The following PRRC2B variants were observed in gnomAD, a reference collection of about 807,000 sequenced individuals.
PRRC2B encodes the protein protein PRRC2B.
In PRRC2B, 68 loss-of-function variants were observed where a neutral mutation model predicts 242.3. The observed-to-expected ratio is 0.28, with a 90% CI of 0.23 to 0.34. PRRC2B has a LOEUF of 0.34. PRRC2B is among the 10% of genes least tolerant of loss of function. The probability of loss-of-function intolerance (pLI) is 1.00; values close to 1 mark genes in which losing one functional copy is unlikely to be tolerated. For synonymous variants in PRRC2B, 1,228 were observed against 1,173.6 expected, an observed-to-expected ratio of 1.05 and a Z score of -0.95; for missense variants, 2,835 against 2,954.8, an observed-to-expected ratio of 0.96 and a Z score of 0.94.
rs753042062 is a variant in PRRC2B at position 131,491,490 on chromosome 9, G to C, written c.6291G>C (p.Gln2097His). ...CACTGATCCTGCCCCAGTCTATTCA[G>C]CTGCCACCTGGGCAGAGCCTCTCCG... is the stretch of plus-strand genomic sequence containing the variant. ...QQPLILPQSI[Q>H]LPPGQSLSVG... The change falls in exon 29 of 32, where the codon CAG (glutamine) becomes CAC (histidine). Residue 2097 changes from glutamine to histidine, a missense_variant. By Grantham distance (24) the Gln-to-His change is conservative. This residue lies in a region of PRRC2B where 574 missense variants were observed against 626.0 expected (regional missense o/e 0.92). Transcript: ENST00000683519. 2 of 1,612,496 alleles carry C rather than the reference G, an allele frequency of 1.2e-6. No individual in the cohort carries two copies. The highest frequency in any genetic ancestry group is 3.3e-5 in the Admixed American group (2 of 59,944).
intron 12 of PRRC2B, 146 bp downstream of exon 12, chr9:131,465,224 G>C (rs191850135): frequency 1.7e-5 from 14 of 804,184 alleles, no homozygotes; most frequent in Non-Finnish European, 2.7e-5. Flanking sequence ...TAAGAGCATA[G>C]GCCTGGGTCA....
At chr9:131,405,452 A>G (rs1837335742) in intron 1 of PRRC2B, among the ~76,000 whole-genome samples, 1 of 152,110 alleles carries the variant, frequency 6.6e-6, no homozygotes, top group Non-Finnish European at 1.5e-5. Context: ...GTTGCTGTTA[A>G]TATTCATTGC....
chr9:131,485,716 A>G (rs768014796), intron 25 of PRRC2B: 3 of 561,824 alleles, frequency 5.3e-6, no homozygotes, highest in Admixed American at 1.9e-5. Context: ...TGTGGACTCA[A>G]TAGCAGGGAG....
At chr9:131,398,993 A>C (rs1310049323) in intron 1 of PRRC2B, among the ~76,000 whole-genome samples, 1 of 150,240 alleles carries the variant, frequency 6.7e-6, no homozygotes, top group Admixed American at 6.6e-5. Context: ...AATAAAAAGT[A>C]GGTCGGGCAC....
chr9:131,491,963 T>TC (rs1944208197), intron 29 of PRRC2B, among the ~76,000 whole-genome samples: 1 of 152,198 alleles, frequency 6.6e-6, no homozygotes, highest in Non-Finnish European at 1.5e-5. Flanking sequence ...GGGTCCCCAG[T>TC]CCCCGGGCTG....
At chr9:131,430,000 G>A in intron 1 of PRRC2B, 94 bp from the exon 2 acceptor site, 1 of 613,896 alleles carries the variant, frequency 1.6e-6, no homozygotes, top group Non-Finnish European at 2.9e-6. Flanking sequence ...ATTCGTGAAG[G>A]ATTCACTCCT....
chr9:131,437,211 C>CT (rs1838404108), intron 4 of PRRC2B, among the ~76,000 whole-genome samples: 1 of 152,198 alleles, frequency 6.6e-6, no homozygotes, highest in Non-Finnish European at 1.5e-5. Flanking sequence ...ATGTGACTCT[C>CT]TGAGAAGAGG....
intron 1 of PRRC2B, among the ~76,000 whole-genome samples, chr9:131,416,090 C>T (rs937642748): frequency 1.3e-5 from 2 of 151,500 alleles, no homozygotes; most frequent in Non-Finnish European, 2.9e-5. Flanking sequence ...TGCTCTTCCA[C>T]CTCTTCTTCG....
At position 131,492,091 on chromosome 9, in the gene PRRC2B, C is replaced by T. The variant is rs797015013; in HGVS notation, c.6382-78C>T. The T allele has an allele frequency of 9.6e-5, 111 of 1,156,546 alleles. 1 individual carries two copies. In the African/African-American group the frequency reaches 1.5e-3, roughly 16 times the overall value. 71.6% of individuals were successfully genotyped at this position (1,156,546 alleles called of 1,614,324 possible). A position where few individuals can be genotyped will look rare whatever the true frequency, so the allele number is the denominator to read the frequency against. On this transcript the variant is annotated intron_variant, in intron 29 of 31. Coordinates refer to ENST00000683519, the MANE Select transcript of PRRC2B (RefSeq NM_013318.4). Reference sequence around the variant, plus strand: ...TCCCATGGCCCTCACCACCTCTGCCCTGGGTTGTTCAGTAAGTGTGTGGTC... The same window carrying T: ...TCCCATGGCCCTCACCACCTCTGCCTTGGGTTGTTCAGTAAGTGTGTGGTC...
intron 1 of PRRC2B, among the ~76,000 whole-genome samples, chr9:131,407,258 A>G (rs1425351838): frequency 6.6e-6 from 1 of 152,058 alleles, no homozygotes; most frequent in Non-Finnish European, 1.5e-5. Flanking sequence ...AAAGGTGGGC[A>G]TGCCCTTAGG....
intron 1 of PRRC2B, among the ~76,000 whole-genome samples, chr9:131,423,925 C>G (rs1405556264): frequency 1.3e-5 from 2 of 149,742 alleles, no homozygotes; most frequent in Admixed American, 1.4e-4. Context: ...CACAGTAAGC[C>G]ATTTCTTTCT....
chr9:131,493,905 C>G (rs943931604), intron 30 of PRRC2B, among the ~76,000 whole-genome samples: 13 of 152,190 alleles, frequency 8.5e-5, no homozygotes, highest in African/African-American at 3.1e-4. Context: ...ATTAACATCC[C>G]TGGGAACTAA....
chr9:131,465,062 C>T lies in PRRC2B; in HGVS notation c.1704C>T (p.Gly568=), dbSNP rs1943352900. The T allele has an allele frequency of 6.2e-7, 1 of 1,613,068 alleles. No homozygotes were observed. The highest frequency in any genetic ancestry group is 1.3e-5 in the African/African-American group (1 of 75,018). ...AGAAGGCATCTCCCCAGGAAAACGG[C>T]CCTGCTGTCCACAAAGGTAAGAGCT... is the stretch of plus-strand genomic sequence containing the variant. ...SAEKASPQEN[G]PAVHKGSPEF... Residue 568 remains glycine (G), a synonymous_variant, in exon 12 of 32, where the codon GGC becomes GGT. Coordinates refer to ENST00000683519, the MANE Select transcript of PRRC2B (RefSeq NM_013318.4).
chr9:131,378,738 G>A (rs191160568), intron 1 of PRRC2B, among the ~76,000 whole-genome samples: 5 of 152,042 alleles, frequency 3.3e-5, no homozygotes, highest in African/African-American at 1.2e-4. Context: ...TTTTTTAATT[G>A]AGATACAGTC....
chr9:131,393,728 C>T (rs1836947253), upstream of PRRC2B, among the ~76,000 whole-genome samples: 2 of 151,706 alleles, frequency 1.3e-5, no homozygotes, highest in South Asian at 4.2e-4. Flanking sequence ...GCGCCCTTCC[C>T]CCGGGCCCAG....
At chr9:131,399,808 T>C (rs1332108468) in intron 1 of PRRC2B, among the ~76,000 whole-genome samples, 1 of 152,198 alleles carries the variant, frequency 6.6e-6, no homozygotes, top group African/African-American at 2.4e-5. Flanking sequence ...ATTTTTATAA[T>C]TATATAATTG....
intron 1 of PRRC2B, among the ~76,000 whole-genome samples, chr9:131,380,689 C>T (rs1015475408): frequency 3.3e-5 from 5 of 151,786 alleles, no homozygotes; most frequent in East Asian, 1.9e-4. Context: ...CAAGCCTGGC[C>T]AACATGGTGA....
intron 9 of PRRC2B, among the ~76,000 whole-genome samples, chr9:131,448,478 A>C (rs987338320): frequency 7.0e-6 from 1 of 142,832 alleles, no homozygotes; most frequent in Admixed American, 7.2e-5. Context: ...TGGGAAGCAG[A>C]GGTTGCAGTG....
chr9:131,383,133 G>T (rs1000208007), intron 1 of PRRC2B, among the ~76,000 whole-genome samples: 17 of 151,996 alleles, frequency 1.1e-4, no homozygotes, highest in African/African-American at 3.9e-4. Flanking sequence ...TTCCTTTAAG[G>T]CCTGGCCTCA....
Sources: gnomAD v4.1 joint callset for allele counts (sites outside exome capture counted in the v4.1 genomes callset) on GRCh38, gnomAD v4.1.1 for gene constraint, gnomAD v4.1.1 regional missense constraint, MANE v1.5 for transcripts, NCBI Gene and HGNC (gene_info 2026-07-23, HGNC 2026-07-21) for gene names.